The following ABCC4 variants were observed in gnomAD, a reference collection of about 807,000 sequenced individuals.
ABCC4 encodes ATP-binding cassette sub-family C member 4.
A neutral mutation model predicts 168.5 loss-of-function variants in ABCC4; 102 were observed. The ratio of observed to expected loss-of-function variants is 0.61; its 90% CI spans 0.52 to 0.71. The LOEUF (loss-of-function observed/expected upper bound fraction) is 0.71, where lower values mean the gene tolerates loss of function less well. Ranked by LOEUF, ABCC4 falls within the 30% of genes least tolerant of loss-of-function variation. The pLI, the probability that ABCC4 is intolerant of heterozygous loss-of-function variation, is 0.00. For synonymous variants in ABCC4, 617 were observed against 590.7 expected, an observed-to-expected ratio of 1.04 and a Z score of -0.65; for missense variants, 1,402 against 1,605.8, an observed-to-expected ratio of 0.87 and a Z score of 2.17.
intron 1 of ABCC4, among the ~76,000 whole-genome samples, chr13:95,259,502 T>C (rs996807143): frequency 2.0e-5 from 3 of 152,138 alleles, no homozygotes; most frequent in Non-Finnish European, 4.4e-5. Flanking sequence ...CCGTGCACTG[T>C]AGGATGGTTA....
At chr13:95,132,362 T>C (rs1294401575) in intron 19 of ABCC4, among the ~76,000 whole-genome samples, 1 of 152,098 alleles carries the variant, frequency 6.6e-6, no homozygotes, top group Non-Finnish European at 1.5e-5. Context: ...ATTATAGGCA[T>C]GCACTGCCAA....
chr13:95,249,581 T>C (rs1260017662), intron 1 of ABCC4, among the ~76,000 whole-genome samples: 1 of 152,174 alleles, frequency 6.6e-6, no homozygotes, highest in African/African-American at 2.4e-5. Context: ...ACTCATCAAC[T>C]CACCTCTTTC....
intron 4 of ABCC4, among the ~76,000 whole-genome samples, chr13:95,233,799 A>G (rs1353546554): frequency 1.3e-5 from 2 of 152,202 alleles, no homozygotes; most frequent in African/African-American, 2.4e-5. Context: ...CCTGTAACCA[A>G]TCCCCCACGA....
chr13:95,099,399 A>G lies in ABCC4; in HGVS notation c.2536-16109T>C, dbSNP rs151304042. 1.6e-4 allele frequency among the ~76,000 whole-genome samples: 25 copies of G among 152,322 alleles called. No individual in the cohort carries two copies. In the East Asian group the frequency reaches 4.8e-3, roughly 29 times the overall value. On this transcript the variant is annotated intron_variant, in intron 20 of 30. Coordinates refer to ENST00000645237, the MANE Select transcript of ABCC4 (RefSeq NM_005845.5). ...TCCTGAGGAGATGGAAATGCTCTACATCTTGTTTTAGAGGGTGGATATTGG... is the reference window on the plus strand; with the variant it reads ...TCCTGAGGAGATGGAAATGCTCTACGTCTTGTTTTAGAGGGTGGATATTGG...
At chr13:95,261,739 T>C (rs1170964083) in intron 1 of ABCC4, among the ~76,000 whole-genome samples, 1 of 152,108 alleles carries the variant, frequency 6.6e-6, no homozygotes, top group Non-Finnish European at 1.5e-5. Context: ...AGATGTACAA[T>C]ACCAATAAAC....
intron 20 of ABCC4, among the ~76,000 whole-genome samples, chr13:95,113,052 T>C (rs1402465719): frequency 6.6e-6 from 1 of 152,202 alleles, no homozygotes; most frequent in Non-Finnish European, 1.5e-5. Context: ...GCCCATGCAA[T>C]GGAGAAGGCT....
intron 19 of ABCC4, among the ~76,000 whole-genome samples, chr13:95,155,374 C>T (rs964915182): frequency 2.6e-5 from 4 of 152,028 alleles, no homozygotes; most frequent in Non-Finnish European, 5.9e-5. Context: ...ACTGGGGCAA[C>T]CCTCGATTTT....
At chr13:95,034,459 C>T (rs1397986056) in intron 30 of ABCC4, 146 bp downstream of exon 30, 6 of 1,236,268 alleles carry the variant, frequency 4.9e-6, no homozygotes, top group African/African-American at 4.6e-5. Context: ...CGGGACGTGC[C>T]GTTAAGACCC....
intron 1 of ABCC4, among the ~76,000 whole-genome samples, chr13:95,297,376 A>C (rs527838089): frequency 4.6e-4 from 70 of 152,348 alleles, no homozygotes; most frequent in Middle Eastern, 3.4e-3. Flanking sequence ...CTCCAAGTCC[A>C]AATTATGCTA....
chr13:95,121,668 C>G (rs1216152975), intron 19 of ABCC4, among the ~76,000 whole-genome samples: 2 of 152,162 alleles, frequency 1.3e-5, no homozygotes, highest in East Asian at 3.9e-4. Flanking sequence ...CTCTGCCTCC[C>G]AAAGTGCTGG....
intron 1 of ABCC4, among the ~76,000 whole-genome samples, chr13:95,271,010 G>T (rs7333118): frequency 0.012 from 1,846 of 152,300 alleles, 34 homozygotes; most frequent in African/African-American, 0.041. Flanking sequence ...CAGGAGAATG[G>T]CGTGAACCTG....
At chr13:95,194,754 G>T (rs1436845831) in intron 9 of ABCC4, 82 bp downstream of exon 9, 6 of 1,120,348 alleles carry the variant, frequency 5.4e-6, no homozygotes, top group Non-Finnish European at 7.9e-6. Context: ...TTTATACCAT[G>T]TGTAACACCT....
intron 30 of ABCC4, among the ~76,000 whole-genome samples, chr13:95,029,487 G>C (rs2031764989): frequency 1.3e-5 from 2 of 151,950 alleles, no homozygotes; most frequent in Admixed American, 6.6e-5. Context: ...ACCTGGCAGA[G>C]GAACTGCGTG....
At chr13:95,105,979 C>T (rs542717986) in intron 20 of ABCC4, among the ~76,000 whole-genome samples, 19 of 152,300 alleles carry the variant, frequency 1.2e-4, no homozygotes, top group African/African-American at 2.9e-4. Flanking sequence ...TTACCGGCCT[C>T]GCTGATTTTC....
At chr13:95,030,460 AT>A (rs1273116925) in intron 30 of ABCC4, among the ~76,000 whole-genome samples, 50 of 152,148 alleles carry the variant, frequency 3.3e-4, no homozygotes, top group Admixed American at 1.1e-3. Context: ...TTATGGGCTG[AT>A]TTGCATCCCC....
intron 8 of ABCC4, among the ~76,000 whole-genome samples, chr13:95,202,805 T>G (rs1042067602): frequency 1.3e-5 from 2 of 152,044 alleles, no homozygotes; most frequent in Non-Finnish European, 2.9e-5. Flanking sequence ...CGTGCCACCA[T>G]GCCCAGCTGA....
At position 95,075,445 on chromosome 13, in the gene ABCC4, C is replaced by T. The variant is rs966679836; in HGVS notation, c.2793G>A (p.Gln931=). The T allele has an allele frequency of 1.9e-6, 3 of 1,614,028 alleles. No homozygotes were observed. Among genetic ancestry groups the T allele is most frequent in the African/African-American group, 2.7e-5 (2 of 74,920 alleles). The change falls in exon 22 of 31, where the codon CAG becomes CAA. Residue 931 remains glutamine (Q), a synonymous_variant. Coordinates refer to ENST00000645237, the MANE Select transcript of ABCC4 (RefSeq NM_005845.5). Reference sequence around the variant, plus strand: ...AAATAGACAGACCTGAATGTAAATCCTGGTGTGCATCAAACAGTTCCTGAC... The same window carrying T: ...AAATAGACAGACCTGAATGTAAATCTTGGTGTGCATCAAACAGTTCCTGAC... ...ERCQELFDAH[Q]DLHSEAWFLF...
intron 1 of ABCC4, among the ~76,000 whole-genome samples, chr13:95,291,067 G>T (rs2138951509): frequency 6.6e-6 from 1 of 151,186 alleles, no homozygotes; most frequent in Middle Eastern, 3.4e-3. Context: ...CTGAATGACT[G>T]CCCAGGCTGG....
At chr13:95,083,362 G>A (rs779626843) in intron 20 of ABCC4, 72 bp from the exon 21 acceptor site, 236 of 1,545,706 alleles carry the variant, frequency 1.5e-4, no homozygotes, top group Middle Eastern at 7.1e-4. Context: ...ATGAGTTGTT[G>A]TTAGGATTAC....
Sources: allele counts gnomAD v4.1 joint callset (sites outside exome capture counted in the v4.1 genomes callset), GRCh38; gene constraint gnomAD v4.1.1; transcripts MANE v1.5; gene names NCBI Gene and HGNC (gene_info 2026-07-23, HGNC 2026-07-21).